The following MDGA2 variants were observed in gnomAD, a reference collection of about 807,000 sequenced individuals.
MDGA2 encodes MAM domain-containing glycosylphosphatidylinositol anchor protein 2.
MDGA2 carries 40 observed loss-of-function variants against 117.8 expected under a neutral mutation model. The ratio of observed to expected loss-of-function variants is 0.34; its 90% CI spans 0.26 to 0.44. The LOEUF is 0.44. Ranked by LOEUF, MDGA2 falls within the 20% of genes least tolerant of loss-of-function variation. MDGA2 has a pLI of 1.00. For synonymous variants in MDGA2, 452 were observed against 439.0 expected, an observed-to-expected ratio of 1.03 and a Z score of -0.37; for missense variants, 1,123 against 1,250.6, an observed-to-expected ratio of 0.90 and a Z score of 1.54.
chr14:47,218,457 A>C (rs1886182299), intron 2 of MDGA2, among the ~76,000 whole-genome samples: 1 of 152,180 alleles, frequency 6.6e-6, no homozygotes, highest in Non-Finnish European at 1.5e-5. Flanking sequence ...GGCAATATAA[A>C]CTATAACATA....
intron 1 of MDGA2, among the ~76,000 whole-genome samples, chr14:47,396,919 T>A (rs182702111): frequency 2.0e-5 from 3 of 152,170 alleles, no homozygotes; most frequent in African/African-American, 4.8e-5. Flanking sequence ...TGGAAGACAG[T>A]GTGGCGATTC....
intron 15 of MDGA2, among the ~76,000 whole-genome samples, chr14:46,854,424 G>A (rs1881182515): frequency 1.3e-5 from 2 of 151,570 alleles, no homozygotes; most frequent in Admixed American, 1.3e-4. Context: ...ATAGCTTAAT[G>A]ATCTGTTGTC....
At chr14:46,977,464 A>G (rs1886508517) in intron 8 of MDGA2, among the ~76,000 whole-genome samples, 1 of 151,958 alleles carries the variant, frequency 6.6e-6, no homozygotes, top group Non-Finnish European at 1.5e-5. Context: ...AGTAATCACA[A>G]TTAGACAATC....
intron 3 of MDGA2, 36 bp downstream of exon 3, chr14:47,217,985 T>G: frequency 6.9e-7 from 1 of 1,453,978 alleles, no homozygotes; most frequent in Non-Finnish European, 9.2e-7. Flanking sequence ...AAATCCATAA[T>G]AGGCTTAATT....
intron 2 of MDGA2, among the ~76,000 whole-genome samples, chr14:47,247,632 T>TTTATTATTATTATTATTATTA (rs71448183): frequency 3.4e-5 from 5 of 146,126 alleles, no homozygotes; most frequent in South Asian, 2.2e-4. Context: ...TCAGTACATA[T>TTTATTATTATTATTATTATTA]TTATTATTAT....
rs573669790 is a variant in MDGA2, at chr14:46,901,939, G to A, written c.2238+18073C>T. On this transcript the variant is annotated intron_variant, in intron 10 of 16. Coordinates refer to ENST00000399232, the MANE Select transcript of MDGA2 (RefSeq NM_001113498.3). Reference sequence around the variant, plus strand: ...CATCATCATGAGGAATATTGCTTGGGAATGAGGATGACTTTTAAGCAATTA... The same window carrying A: ...CATCATCATGAGGAATATTGCTTGGAAATGAGGATGACTTTTAAGCAATTA... 5.9e-5 allele frequency among the ~76,000 whole-genome samples: 9 copies of A among 152,294 alleles called. 1 individual carries two copies. Among genetic ancestry groups the A allele is most frequent in the African/African-American group, 1.9e-4 (8 of 41,564 alleles).
intron 1 of MDGA2, among the ~76,000 whole-genome samples, chr14:47,430,404 G>A (rs1892775671): frequency 6.6e-6 from 1 of 152,010 alleles, no homozygotes; most frequent in African/African-American, 2.4e-5. Flanking sequence ...TTTTTAGCCA[G>A]GTAGTTTTCT....
chr14:47,309,060 A>C (rs1889551571), intron 1 of MDGA2, among the ~76,000 whole-genome samples: 2 of 152,164 alleles, frequency 1.3e-5, no homozygotes, highest in Non-Finnish European at 2.9e-5. Context: ...ACATAAACAC[A>C]TATCCAAACA....
chr14:47,095,603 G>A (rs957075074), intron 6 of MDGA2, among the ~76,000 whole-genome samples: 1 of 151,448 alleles, frequency 6.6e-6, no homozygotes, highest in East Asian at 1.9e-4. Flanking sequence ...ATTTTGTTTT[G>A]ATATATAAAA....
chr14:47,060,459 C>G (rs1889844331), intron 7 of MDGA2, among the ~76,000 whole-genome samples: 1 of 151,998 alleles, frequency 6.6e-6, no homozygotes, highest in African/African-American at 2.4e-5. Flanking sequence ...ATGTAAGAAT[C>G]TTCCATTAAA....
intron 3 of MDGA2, among the ~76,000 whole-genome samples, chr14:47,165,229 A>C (rs772193170): frequency 6.6e-6 from 1 of 152,162 alleles, no homozygotes; most frequent in Non-Finnish European, 1.5e-5. Context: ...GTGCACATGT[A>C]CCCTAGTACT....
At chr14:47,477,101 G>A in intron 1 of MDGA2, among the ~76,000 whole-genome samples, 1 of 152,222 alleles carries the variant, frequency 6.6e-6, no homozygotes, top group Non-Finnish European at 1.5e-5. Context: ...GGTGAAGGTT[G>A]CAGTGAGCCG....
At chr14:47,537,569 T>C (rs1344901708) in intron 1 of MDGA2, among the ~76,000 whole-genome samples, 1 of 87,216 alleles carries the variant, frequency 1.1e-5, no homozygotes, top group East Asian at 2.9e-4. Context: ...TTACCTTCTC[T>C]CTGTTAAAAA....
At chr14:47,061,769 T>C (rs1193512440) in intron 6 of MDGA2, among the ~76,000 whole-genome samples, 191 bp from the exon 7 acceptor site, 1 of 152,006 alleles carries the variant, frequency 6.6e-6, no homozygotes, top group Non-Finnish European at 1.5e-5. Flanking sequence ...TCTAAAAAAA[T>C]CTAAGTCAAT....
chr14:47,337,763 T>A (rs938577686), intron 1 of MDGA2, among the ~76,000 whole-genome samples: 26 of 151,986 alleles, frequency 1.7e-4, no homozygotes, highest in Non-Finnish European at 3.4e-4. Context: ...GATATGATAT[T>A]AAGCATTTAG....
chr14:46,930,024 T>C (rs80352029), intron 9 of MDGA2, among the ~76,000 whole-genome samples: 3 of 152,108 alleles, frequency 2.0e-5, no homozygotes, highest in African/African-American at 7.2e-5. Flanking sequence ...CTATTTTTAT[T>C]ATTTTCGGAA....
intron 2 of MDGA2, among the ~76,000 whole-genome samples, chr14:47,242,956 A>G (rs896192343): frequency 4.0e-5 from 6 of 151,832 alleles, no homozygotes; most frequent in Non-Finnish European, 8.8e-5. Context: ...CAGGGATTGT[A>G]AATGCACCAA....
At chr14:47,514,583 T>G (rs1179395555) in intron 1 of MDGA2, among the ~76,000 whole-genome samples, 4 of 152,170 alleles carry the variant, frequency 2.6e-5, no homozygotes. Flanking sequence ...CTACCATCAG[T>G]ATACTTCCAT....
At chr14:47,164,465 A>C (rs2139290411) in intron 3 of MDGA2, among the ~76,000 whole-genome samples, 1 of 152,370 alleles carries the variant, frequency 6.6e-6, no homozygotes, top group East Asian at 1.9e-4. Flanking sequence ...ACTTCTCAAA[A>C]GAAGACATTT....
Sources: gnomAD v4.1 joint callset for allele counts (sites outside exome capture counted in the v4.1 genomes callset) on GRCh38, gnomAD v4.1.1 for gene constraint, MANE v1.5 for transcripts, NCBI Gene and HGNC (gene_info 2026-07-23, HGNC 2026-07-21) for gene names.